IGFL2: variants seen among roughly 807,000 people sequenced by gnomAD.
IGFL2 encodes insulin growth factor-like family member 2.
IGFL2 carries 7 observed loss-of-function variants against 13.9 expected under a neutral mutation model. The ratio of observed to expected loss-of-function variants is 0.51; its 90% CI spans 0.29 to 0.95. The LOEUF (loss-of-function observed/expected upper bound fraction) is 0.95, where lower values mean the gene tolerates loss of function less well. Among genes scored for constraint, IGFL2 ranks in the 40% least tolerant of loss-of-function variants. The pLI is 0.08. For synonymous variants in IGFL2, 55 were observed against 55.8 expected (o/e 0.99, Z 0.07); for missense variants, 138 against 147.8 (o/e 0.93, Z 0.34).
At chr19:46,139,379 A>G (rs1193853968), upstream of IGFL2, among the ~76,000 whole-genome samples, 3 of 151,786 alleles carry the variant, frequency 2.0e-5, no homozygotes, top group Admixed American at 1.3e-4. Flanking sequence ...TTCAAATTGA[A>G]TTCTAAGATT....
the IGFL2 span, among the ~76,000 whole-genome samples, chr19:46,200,344 C>G: frequency 6.6e-6 from 1 of 151,454 alleles, no homozygotes; most frequent in Non-Finnish European, 1.5e-5. Flanking sequence ...ATTCTAATTT[C>G]TGTATTTTTT....
the IGFL2 span, among the ~76,000 whole-genome samples, chr19:46,089,117 C>G: frequency 6.6e-6 from 1 of 151,944 alleles, no homozygotes; most frequent in Non-Finnish European, 1.5e-5. Flanking sequence ...ATTTTGATTC[C>G]TTACTTTTTA....
At chr19:46,181,964 T>G in the IGFL2 span, among the ~76,000 whole-genome samples, 1 of 152,180 alleles carries the variant, frequency 6.6e-6, no homozygotes, top group Non-Finnish European at 1.5e-5. Context: ...AGAACTTTCT[T>G]TTTAGCATCT....
the IGFL2 span, among the ~76,000 whole-genome samples, chr19:46,137,876 T>G: frequency 6.6e-6 from 1 of 152,236 alleles, no homozygotes; most frequent in Non-Finnish European, 1.5e-5. Flanking sequence ...TGAGATCTAT[T>G]TGGTCCTTTC....
chr19:46,152,824 T>C (rs1973578939), intron 1 of IGFL2, among the ~76,000 whole-genome samples: 1 of 152,238 alleles, frequency 6.6e-6, no homozygotes, highest in Admixed American at 6.5e-5. Context: ...AGATGCTCTT[T>C]AACAGGTTGA....
the IGFL2 span, among the ~76,000 whole-genome samples, chr19:46,174,960 C>G: frequency 6.6e-6 from 1 of 152,138 alleles, no homozygotes; most frequent in Non-Finnish European, 1.5e-5. Context: ...GACCAATTAT[C>G]TGAATTTTAA....
chr19:46,133,317 A>G, the IGFL2 span, among the ~76,000 whole-genome samples: 1 of 152,212 alleles, frequency 6.6e-6, no homozygotes, highest in Admixed American at 6.5e-5. Context: ...CAGTCTTGCC[A>G]TGAGAGCACA....
upstream of IGFL2, among the ~76,000 whole-genome samples, chr19:46,145,634 GTATTTATT>G (rs1188711554): frequency 6.8e-6 from 1 of 147,550 alleles, no homozygotes; most frequent in South Asian, 2.2e-4. Flanking sequence ...GTGTGTGTGT[GTATTTATT>G]TATTTATTTA....
the IGFL2 span, among the ~76,000 whole-genome samples, chr19:46,078,887 T>C: frequency 2.0e-4 from 21 of 103,810 alleles, no homozygotes; most frequent in East Asian, 1.3e-3. Flanking sequence ...CGCGCAGGCG[T>C]CGTCAGTAGA....
intron 1 of IGFL2, among the ~76,000 whole-genome samples, chr19:46,158,301 C>A (rs547264299): frequency 5.9e-5 from 9 of 152,160 alleles, no homozygotes; most frequent in East Asian, 3.9e-4. Context: ...CTCCGCCTCC[C>A]GGGTTCAAGT....
chr19:46,149,171 CTCTCT>C, intron 1 of IGFL2: 1 of 652,804 alleles, frequency 1.5e-6, no homozygotes, highest in Non-Finnish European at 2.8e-6. Flanking sequence ...TTCTCTCTCT[CTCTCT>C]TCTCTCTCTC....
chr19:46,111,244 AGTACCATTCTT>A, the IGFL2 span: 2 of 152,520 alleles, frequency 1.3e-5, no homozygotes, highest in Non-Finnish European at 2.9e-5. Flanking sequence ...TACAACTTGC[AGTACCATTCTT>A]TGTTCCAGCA....
the IGFL2 span, among the ~76,000 whole-genome samples, chr19:46,127,169 T>A: frequency 6.6e-6 from 1 of 152,038 alleles, no homozygotes; most frequent in Admixed American, 6.6e-5. Flanking sequence ...GAGAACAGCT[T>A]AAAGCCAGGA....
the IGFL2 span, among the ~76,000 whole-genome samples, chr19:46,135,411 A>G: frequency 1.3e-5 from 2 of 152,100 alleles, no homozygotes; most frequent in African/African-American, 2.4e-5. Flanking sequence ...GGTTTAACTC[A>G]TGGTCAGAGT....
At chr19:46,171,623 C>CT in the IGFL2 span, among the ~76,000 whole-genome samples, 33 of 152,194 alleles carry the variant, frequency 2.2e-4, no homozygotes, top group Admixed American at 6.5e-5. Context: ...TCTCAGCAGT[C>CT]TCCTGTCTTA....
At chr19:46,211,538 G>A in the IGFL2 span, 2 of 152,182 alleles carry the variant, frequency 1.3e-5, no homozygotes, top group Non-Finnish European at 2.9e-5. Flanking sequence ...AGGGCAAGCA[G>A]TGGGGGAGCT....
At chr19:46,120,334 G>A in the IGFL2 span, 47 of 1,611,006 alleles carry the variant, frequency 2.9e-5, 1 homozygote, top group South Asian at 4.8e-4. Flanking sequence ...GGGTTTTTAT[G>A]GGTACAGGAC....
At chr19:46,124,665 C>G in the IGFL2 span, 44 of 1,606,934 alleles carry the variant, frequency 2.7e-5, no homozygotes, top group Non-Finnish European at 3.0e-5. Context: ...CAAAGATGCT[C>G]TAGGAGAATT....
chr19:46,152,839 ACT>A lies in IGFL2; in HGVS notation c.19+4547_19+4548del, dbSNP rs561463587. On this transcript the variant is annotated intron_variant, in intron 1 of 3. Transcript: ENST00000377693. ...AGATGCTCTTTAACAGGTTGAGGAA[ACT>A]CTCTTCTATTCCTAGTTTGTTCTTT... Among the ~76,000 whole-genome samples the A allele has an allele frequency of 8.4e-4, 127 of 151,740 alleles. 2 individuals carry two copies. In the Middle Eastern group the frequency reaches 0.017, roughly 20 times the overall value.
Sources: allele counts gnomAD v4.1 joint callset (sites outside exome capture counted in the v4.1 genomes callset), GRCh38; gene constraint gnomAD v4.1.1; transcripts MANE v1.5; gene names NCBI Gene and HGNC (gene_info 2026-07-23, HGNC 2026-07-21).